Variants in TMEM132D observed in about 807,000 individuals in gnomAD.
TMEM132D encodes transmembrane protein 132D.
In TMEM132D, 21 loss-of-function variants were observed where a neutral mutation model predicts 62.3. The observed-to-expected ratio is 0.34, with a 90% CI of 0.24 to 0.49. The LOEUF is 0.49. Ranked by LOEUF, TMEM132D falls within the 20% of genes least tolerant of loss-of-function variation. TMEM132D has a pLI of 0.99. For synonymous variants in TMEM132D, 621 were observed against 575.6 expected (o/e 1.08, Z -1.13); for missense variants, 1,346 against 1,402.8 (o/e 0.96, Z 0.65).
chr12:129,551,123 G>A (rs1876883084), intron 2 of TMEM132D, among the ~76,000 whole-genome samples: 1 of 152,232 alleles, frequency 6.6e-6, no homozygotes, highest in Admixed American at 6.5e-5. Context: ...GCCTTCACAG[G>A]ATCCCAAGCT....
At chr12:129,687,687 G>A (rs530527303) in intron 2 of TMEM132D, among the ~76,000 whole-genome samples, 2 of 152,226 alleles carry the variant, frequency 1.3e-5, no homozygotes, top group African/African-American at 4.8e-5. Flanking sequence ...GCAGAGGCTT[G>A]TTGGTATAGG....
At chr12:129,481,140 C>T (rs1874417641) in intron 3 of TMEM132D, among the ~76,000 whole-genome samples, 1 of 151,610 alleles carries the variant, frequency 6.6e-6, no homozygotes, top group African/African-American at 2.4e-5. Context: ...CAGGTCATTC[C>T]TTTCAAAGTA....
chr12:129,244,324 T>C (rs1422273870), intron 4 of TMEM132D, among the ~76,000 whole-genome samples: 1 of 147,778 alleles, frequency 6.8e-6, no homozygotes, highest in East Asian at 2.1e-4. Context: ...AGGCGGAGCT[T>C]GCAGTGAGCC....
intron 3 of TMEM132D, among the ~76,000 whole-genome samples, chr12:129,471,947 G>A (rs974428573): frequency 8.5e-5 from 13 of 152,230 alleles, no homozygotes; most frequent in Admixed American, 4.6e-4. Flanking sequence ...AGGAAGCTAC[G>A]GAAGTTGGAA....
At chr12:129,675,766 C>T (rs1044195954) in intron 2 of TMEM132D, among the ~76,000 whole-genome samples, 38 of 152,212 alleles carry the variant, frequency 2.5e-4, no homozygotes, top group African/African-American at 8.9e-4. Flanking sequence ...CTACAGTGCT[C>T]CAAACACACC....
chr12:129,462,422 A>G (rs1873707896), intron 3 of TMEM132D, among the ~76,000 whole-genome samples: 1 of 152,198 alleles, frequency 6.6e-6, no homozygotes, highest in Non-Finnish European at 1.5e-5. Flanking sequence ...AGTTTTAGAA[A>G]TTGAAATAGT....
chr12:129,206,383 A>G (rs762155012), intron 5 of TMEM132D, among the ~76,000 whole-genome samples: 18 of 152,250 alleles, frequency 1.2e-4, no homozygotes, highest in Non-Finnish European at 2.5e-4. Flanking sequence ...TGAGAAATGC[A>G]AATCAATACC....
At chr12:129,593,899 T>C (rs1878264276) in intron 2 of TMEM132D, among the ~76,000 whole-genome samples, 2 of 152,182 alleles carry the variant, frequency 1.3e-5, no homozygotes, top group African/African-American at 2.4e-5. Context: ...ATATTTCAGT[T>C]ACAATTCACC....
At chr12:129,831,448 G>T (rs1320549601) in intron 1 of TMEM132D, among the ~76,000 whole-genome samples, 1 of 152,208 alleles carries the variant, frequency 6.6e-6, no homozygotes, top group Non-Finnish European at 1.5e-5. Context: ...GTGAGTGTGG[G>T]TTTGAGAGGC....
chr12:129,859,833 C>T (rs991502950), intron 1 of TMEM132D, among the ~76,000 whole-genome samples: 14 of 152,254 alleles, frequency 9.2e-5, no homozygotes, highest in African/African-American at 3.4e-4. Flanking sequence ...GCACTGTCGG[C>T]CTCCCTGCTT....
intron 1 of TMEM132D, among the ~76,000 whole-genome samples, chr12:129,823,772 C>G (rs11060572): frequency 0.069 from 10,536 of 152,242 alleles, 523 homozygotes; most frequent in East Asian, 0.27. Context: ...TTCTCCAAAC[C>G]TCAGTTTGTT....
chr12:129,842,840 A>G (rs1873240035), intron 1 of TMEM132D, among the ~76,000 whole-genome samples: 1 of 152,196 alleles, frequency 6.6e-6, no homozygotes, highest in Non-Finnish European at 1.5e-5. Flanking sequence ...AGGACACGGT[A>G]TCTGCTAAGA....
chr12:129,585,608 A>T (rs767984164), intron 2 of TMEM132D, among the ~76,000 whole-genome samples: 1 of 152,186 alleles, frequency 6.6e-6, no homozygotes, highest in Non-Finnish European at 1.5e-5. Flanking sequence ...TGATTTGCTG[A>T]CATGGATTTC....
chr12:129,877,341 T>G (rs778556859), intron 1 of TMEM132D, among the ~76,000 whole-genome samples: 2 of 152,036 alleles, frequency 1.3e-5, no homozygotes, highest in Non-Finnish European at 2.9e-5. Flanking sequence ...TGACCTTCCT[T>G]AAATCTCAAG....
At position 129,296,837 on chromosome 12, in the gene TMEM132D, G is replaced by A. The variant is rs181034068; in HGVS notation, c.1299+40797C>T. 5.0e-3 allele frequency among the ~76,000 whole-genome samples: 754 copies of A among 152,302 alleles called. 2 individuals are homozygous for A. The highest frequency in any genetic ancestry group is 6.3e-3 in the Non-Finnish European group (426 of 68,028). Reference sequence around the variant, plus strand: ...CAGGGAATCAAGGAGGCTGGTGTGAGTATACACTACCAAGCTCATTAGTAT... The same window carrying A: ...CAGGGAATCAAGGAGGCTGGTGTGAATATACACTACCAAGCTCATTAGTAT... On this transcript the variant is annotated intron_variant, in intron 4 of 8. Transcript: ENST00000422113.
rs1565959387 is a variant in TMEM132D at position 129,087,883 on chromosome 12, CCTG to C, written c.1444-3184_1444-3182del. Among the ~76,000 whole-genome samples the C allele has an allele frequency of 2.5e-4, 33 of 130,902 alleles. 2 individuals carry two copies. Among genetic ancestry groups the C allele is most frequent in the African/African-American group, 7.2e-4 (23 of 32,140 alleles). 85.9% of individuals were successfully genotyped at this position (130,902 alleles called of 152,430 possible). On this transcript the variant is annotated intron_variant, in intron 5 of 8. Coordinates refer to ENST00000422113, the MANE Select transcript of TMEM132D (RefSeq NM_133448.3). ...GTGTCCTCCATGACCGGGTGTCCTC[CCTG>C]ACCGGGGTGTCCTCCCTGACCGGGG...
At chr12:129,213,525 C>CAAAACA (rs1879113017) in intron 4 of TMEM132D, among the ~76,000 whole-genome samples, 3 of 151,576 alleles carry the variant, frequency 2.0e-5, no homozygotes, top group African/African-American at 7.3e-5. Context: ...CAAAACAAAA[C>CAAAACA]AAAAAAACCT....
At chr12:129,243,456 T>C (rs1313917295) in intron 4 of TMEM132D, among the ~76,000 whole-genome samples, 1 of 152,196 alleles carries the variant, frequency 6.6e-6, no homozygotes, top group Non-Finnish European at 1.5e-5. Context: ...TCTGTGGATA[T>C]GTTTGTATAG....
intron 2 of TMEM132D, among the ~76,000 whole-genome samples, chr12:129,615,840 T>C (rs1565923978): frequency 6.6e-6 from 1 of 150,610 alleles, no homozygotes; most frequent in Non-Finnish European, 1.5e-5. Flanking sequence ...TAAAATAAAA[T>C]AAAATAAGAT....
Sources: allele counts gnomAD v4.1 joint callset (sites outside exome capture counted in the v4.1 genomes callset), GRCh38; gene constraint gnomAD v4.1.1; transcripts MANE v1.5; gene names NCBI Gene and HGNC (gene_info 2026-07-23, HGNC 2026-07-21).